The following NCOA4 variants were observed in gnomAD, a reference collection of about 807,000 sequenced individuals.
NCOA4 encodes nuclear receptor coactivator 4, also known as 70 kDa AR-activator.
Under a neutral mutation model 69.5 loss-of-function variants are expected in NCOA4, and 31 were observed. The observed-to-expected ratio is 0.45, with a 90% CI of 0.34 to 0.60. The LOEUF (loss-of-function observed/expected upper bound fraction) is 0.60. NCOA4 is among the 20% of genes least tolerant of loss of function. NCOA4 has a pLI of 0.02. For synonymous variants in NCOA4, 228 were observed against 252.4 expected (o/e 0.90, Z 0.92); for missense variants, 600 against 719.2 (o/e 0.83, Z 1.90).
In NCOA4 at chr10:46,023,262, C is replaced by T. The variant is rs376757288; in HGVS notation, c.-14-6568G>A. The stretch of plus-strand genomic sequence containing the variant: ...CAGCCGCTGCGACCCGGCTCCTGCC[C>T]GGCGCCAGCCCTGCAAGGCTACCGG... On this transcript the variant is annotated intron_variant, in intron 1 of 9. Coordinates refer to ENST00000581486, the MANE Select transcript of NCOA4 (RefSeq NM_001145263.2). 6 of 984,946 alleles carry T rather than the reference C, an allele frequency of 6.1e-6. No homozygotes were observed. In the East Asian group the frequency reaches 5.7e-4, roughly 93 times the overall value. 61.0% of individuals were successfully genotyped at this position (984,946 alleles called of 1,614,324 possible). A position where few individuals can be genotyped will look rare whatever the true frequency, so the allele number is the denominator to read the frequency against.
chr10:46,013,898 A>G (rs1234461693), intron 5 of NCOA4, among the ~76,000 whole-genome samples: 3 of 152,220 alleles, frequency 2.0e-5, no homozygotes, highest in Non-Finnish European at 4.4e-5. Context: ...ATTAAAAACT[A>G]TTCAAGCCAT....
chr10:46,006,616 A>AGAT lies in NCOA4; in HGVS notation c.1840-22_1840-20dup, dbSNP rs782746044. The AGAT allele has an allele frequency of 1.2e-6, 2 of 1,613,926 alleles. No individual in the cohort carries two copies. Among genetic ancestry groups the AGAT allele is most frequent in the Admixed American group, 3.3e-5 (2 of 60,026 alleles). On this transcript the variant is annotated intron_variant, in intron 9 of 9. Transcript: ENST00000581486. ...TTCACATCTGTAAAGAGACACCCAC[A>AGAT]GATGATAAGTTACTTCAATGAAGAA...
intron 7 of NCOA4, among the ~76,000 whole-genome samples, chr10:46,012,066 G>GAAAGAAAAA (rs1839246098): frequency 1.5e-4 from 1 of 6,736 alleles, no homozygotes; most frequent in African/African-American, 4.3e-4. Flanking sequence ...GTCTCAAAAA[G>GAAAGAAAAA]AAAGAAAAAA....
Position 46,016,630 on chromosome 10 carries a change from A to G in NCOA4, c.51T>C (p.Leu17=), listed in dbSNP as rs781835176. 3.2e-6 allele frequency: 5 copies of G among 1,554,734 alleles called. No homozygotes were observed. In the East Asian group the frequency reaches 6.9e-5, roughly 22 times the overall value. Residue 17 remains leucine (L), a synonymous_variant, in exon 2 of 10, where the codon CTT becomes CTC. Transcript: ENST00000581486. The part of the protein sequence containing the change: ...QSGSSSNREP[L]LRCSDARRDL... ...CCCTCCGTGCATCACTACACCTCAAAAGGGGTTCTCTATTACTGGAGCTGC... is the reference window on the plus strand; with the variant it reads ...CCCTCCGTGCATCACTACACCTCAAGAGGGGTTCTCTATTACTGGAGCTGC...
intron 8 of NCOA4, among the ~76,000 whole-genome samples, chr10:46,009,825 A>G (rs1210747987): frequency 2.0e-5 from 3 of 152,200 alleles, no homozygotes; most frequent in African/African-American, 7.2e-5. Flanking sequence ...AGTATTTAAC[A>G]TATTTAAGGA....
chr10:46,010,892 C>A lies in NCOA4; in HGVS notation c.1029G>T (p.Lys343Asn). The A allele has an allele frequency of 6.2e-7, 1 of 1,613,978 alleles. No homozygotes were observed. Among genetic ancestry groups the A allele is most frequent in the Non-Finnish European group, 8.5e-7 (1 of 1,179,870 alleles). The change falls in exon 8 of 10, where the codon AAG becomes AAT. Residue 343 changes from lysine to asparagine, a missense_variant. Lys to Asn is a moderately conservative substitution (Grantham distance 94, BLOSUM62 0). Coordinates refer to ENST00000581486, the MANE Select transcript of NCOA4 (RefSeq NM_001145263.2). ...CCTGACAGTTGGTACAGGAGTCAGTCTTGACAAGCCAATCATTCACATTAT... is the reference window on the plus strand; with the variant it reads ...CCTGACAGTTGGTACAGGAGTCAGTATTGACAAGCCAATCATTCACATTAT... The part of the protein sequence containing the change: ...QSYNVNDWLV[K>N]TDSCTNCQGN...
Position 46,013,605 on chromosome 10 carries a change from G to C in NCOA4, c.515C>G (p.Ser172Ter). The change falls in exon 6 of 10, where the codon TCA (serine) becomes TGA (stop). Residue 172 changes from serine to a stop codon, truncating the protein, a stop_gained. Coordinates refer to ENST00000581486, the MANE Select transcript of NCOA4 (RefSeq NM_001145263.2). LOFTEE classifies it high-confidence loss of function. Reference protein sequence around the residue: ...IPEHLMAHASSANIGPFLEKR... With the variant: ...IPEHLMAHAS ...CTCCAGGAAGGGCCCAATATTTGCT[G>C]AACTAGCATGAGCCATCAAGTGCTC... The C allele has an allele frequency of 6.2e-7, 1 of 1,613,338 alleles. No homozygotes were observed. The highest frequency in any genetic ancestry group is 8.5e-7 in the Non-Finnish European group (1 of 1,179,522).
chr10:46,013,711 T>C, intron 5 of NCOA4, 72 bp from the exon 6 acceptor site: 1 of 1,112,302 alleles, frequency 9.0e-7, no homozygotes, highest in South Asian at 1.4e-5. Flanking sequence ...TAATTCCAAA[T>C]TTCAAAAATG....
At chr10:46,018,909 G>A (rs1176394409) in intron 1 of NCOA4, among the ~76,000 whole-genome samples, 2 of 152,032 alleles carry the variant, frequency 1.3e-5, no homozygotes, top group African/African-American at 4.8e-5. Context: ...CTAAGTTTAG[G>A]GCCAGGTGCC....
At chr10:46,018,111 A>G (rs1163574112) in intron 1 of NCOA4, among the ~76,000 whole-genome samples, 1 of 152,246 alleles carries the variant, frequency 6.6e-6, no homozygotes, top group Non-Finnish European at 1.5e-5. Flanking sequence ...TTTTTACAAA[A>G]TACTCAAAGG....
At chr10:46,023,456 T>G (rs1225788155) in intron 1 of NCOA4, 3 of 985,528 alleles carry the variant, frequency 3.0e-6, no homozygotes, top group Non-Finnish European at 3.6e-6. Context: ...GCAACTCCAG[T>G]TCGCCCGGGC....
chr10:46,028,950 G>A (rs1431884199), intron 1 of NCOA4, among the ~76,000 whole-genome samples: 1 of 151,652 alleles, frequency 6.6e-6, no homozygotes, highest in Admixed American at 6.6e-5. Flanking sequence ...AACCGGGGGA[G>A]GGATATGTGT....
chr10:46,019,929 GCT>G (rs1444901635), intron 1 of NCOA4, among the ~76,000 whole-genome samples: 1 of 152,066 alleles, frequency 6.6e-6, no homozygotes, highest in Non-Finnish European at 1.5e-5. Context: ...GCTGCCTTTG[GCT>G]CTCTCTGTCC....
rs532031483 is a variant in NCOA4, at chr10:46,009,265, T to C, written c.1839+146A>G. 14 of 1,481,690 alleles carry C rather than the reference T, an allele frequency of 9.4e-6. No homozygotes were observed. The African/African-American group carries it at 1.1e-4, about 12-fold the overall frequency. 91.8% of individuals were successfully genotyped at this position (1,481,690 alleles called of 1,614,324 possible). The stretch of plus-strand genomic sequence containing the variant: ...TAAAATACATCAACTTTTTATGAGC[T>C]CCCCCGTCCCACCCTCACTTGCCTA... On this transcript the variant is annotated intron_variant, in intron 9 of 9. Transcript: ENST00000581486.
At position 46,012,070 on chromosome 10, in the gene NCOA4, G is replaced by GAAA. The variant is rs71026286; in HGVS notation, c.714+810_714+812dup. On this transcript the variant is annotated intron_variant, in intron 7 of 9. Transcript: ENST00000581486. ...AGCAAGACTCGGTCTCAAAAAGAAA[G>GAAA]AAAAAAAAAAAAAAAAAAAAAAAAA... 6.1e-3 allele frequency among the ~76,000 whole-genome samples: 271 copies of GAAA among 44,538 alleles called. 8 individuals carry two copies. The highest frequency in any genetic ancestry group is 7.7e-3 in the East Asian group (9 of 1,162). 29.2% of individuals were successfully genotyped at this position (44,538 alleles called of 152,430 possible). A position where few individuals can be genotyped will look rare whatever the true frequency, so the allele number is the denominator to read the frequency against.
chr10:46,023,608 C>T (rs1444841369), intron 1 of NCOA4: 3 of 853,730 alleles, frequency 3.5e-6, no homozygotes, highest in South Asian at 1.1e-4. Flanking sequence ...TGCTAGACGC[C>T]TGCTGCCCCC....
rs1554921165 is a variant in NCOA4 at position 46,010,782 on chromosome 10, G to A, written c.1139C>T (p.Ser380Phe). Reference protein sequence around the residue: ...NDHLEAKKPLSTPSMVTEDWL... With the variant: ...NDHLEAKKPLFTPSMVTEDWL... Reference sequence around the variant, plus strand: ...ATCCTCTGTAACCATGCTGGGGGTGGACAATGGTTTCTTGGCCTCCAAGTG... The same window carrying A: ...ATCCTCTGTAACCATGCTGGGGGTGAACAATGGTTTCTTGGCCTCCAAGTG... Residue 380 changes from serine to phenylalanine, a missense_variant, in exon 8 of 10, where the codon TCC (serine) becomes TTC (phenylalanine). Coordinates refer to ENST00000581486, the MANE Select transcript of NCOA4 (RefSeq NM_001145263.2). The A allele has an allele frequency of 6.2e-7, 1 of 1,613,928 alleles. No individual in the cohort carries two copies. Among genetic ancestry groups the A allele is most frequent in the South Asian group, 1.1e-5 (1 of 91,074 alleles).
chr10:46,025,843 C>T (rs782290666), intron 1 of NCOA4, among the ~76,000 whole-genome samples: 9 of 152,216 alleles, frequency 5.9e-5, no homozygotes, highest in Non-Finnish European at 1.0e-4. Context: ...AGCCTGAGGG[C>T]TCCATGAGAG....
At chr10:46,019,349 T>C (rs1418080566) in intron 1 of NCOA4, 1 of 985,440 alleles carries the variant, frequency 1.0e-6, no homozygotes, top group Non-Finnish European at 1.2e-6. Context: ...AAATGCCGGC[T>C]CCGATTTGGA....
Sources: gnomAD v4.1 joint callset for allele counts (sites outside exome capture counted in the v4.1 genomes callset) on GRCh38, gnomAD v4.1.1 for gene constraint, MANE v1.5 for transcripts, NCBI Gene and HGNC (gene_info 2026-07-23, HGNC 2026-07-21) for gene names.